Variants in WDR77 observed in about 807,000 individuals in gnomAD.
WDR77 encodes the protein WD repeat domain 77.
A neutral mutation model predicts 44.0 loss-of-function variants in WDR77; 31 were observed. The observed-to-expected ratio is 0.70, with a 90% CI of 0.53 to 0.95. The LOEUF is 0.95. Among genes scored for constraint, WDR77 ranks in the 40% least tolerant of loss-of-function variants. The probability of loss-of-function intolerance (pLI) is 0.00; values close to 1 mark genes in which losing one functional copy is unlikely to be tolerated. For synonymous variants in WDR77, 186 were observed against 165.7 expected, an observed-to-expected ratio of 1.12 and a Z score of -0.94; for missense variants, 390 against 423.9, an observed-to-expected ratio of 0.92 and a Z score of 0.70.
At chr1:111,448,934 G>A (rs779452677) in intron 1 of WDR77, 121 bp downstream of exon 1, 2 of 1,539,760 alleles carry the variant, frequency 1.3e-6, no homozygotes, top group South Asian at 1.2e-5. Context: ...GGGACAGCTC[G>A]GTGACGCGAC....
At position 111,442,934 on chromosome 1, in the gene WDR77, C is replaced by T. The variant is rs147312754; in HGVS notation, c.692-173G>A. On this transcript the variant is annotated intron_variant, in intron 7 of 9. Transcript: ENST00000235090. ...TCATTGTGAAAATTAAGTTAATGAA[C>T]GAAGCAGTTATTATTTTAACCACAA... is the stretch of plus-strand genomic sequence containing the variant. Among the ~76,000 whole-genome samples, 37 of 152,272 alleles carry T rather than the reference C, an allele frequency of 2.4e-4. No homozygotes were observed. In the East Asian group the frequency reaches 5.0e-3, roughly 21 times the overall value.
chr1:111,447,601 CAT>C, intron 2 of WDR77, 25 bp from the exon 3 acceptor site: 1 of 1,613,928 alleles, frequency 6.2e-7, no homozygotes, highest in African/African-American at 1.3e-5. Context: ...GTAAGGAAAA[CAT>C]GAGCTTGGAT....
In WDR77 at chr1:111,448,706, A is replaced by G. The variant is rs1380228427; in HGVS notation, c.214T>C (p.Phe72Leu). The G allele has an allele frequency of 1.9e-6, 3 of 1,614,238 alleles. No individual in the cohort carries two copies. The South Asian group carries it at 3.3e-5, about 18-fold the overall frequency. The change falls in exon 2 of 10, where the codon TTC (phenylalanine) becomes CTC (leucine). Residue 72 changes from phenylalanine to leucine, a missense_variant. Transcript: ENST00000235090. ...KDPCAAPNEG[F>L]CSAGVQTEAG... The stretch of plus-strand genomic sequence containing the variant: ...TCCGTTTGGACTCCGGCGGAGCAGA[A>G]GCCTTCGTTGGGGGCGGCACAGGGG...
In WDR77 at chr1:111,449,174, A is replaced by T; in HGVS notation, c.-5T>A. ...GGGTGGGGTTTCCTTCCGCATCTCC[A>T]CGGTTCCAACTCCAACCTAGACTCA... On this transcript the variant is annotated 5_prime_UTR_variant, in exon 1 of 10. Transcript: ENST00000235090. 6.4e-7 allele frequency: 1 copy of T among 1,571,316 alleles called. No homozygotes were observed. The highest frequency in any genetic ancestry group is 8.6e-7 in the Non-Finnish European group (1 of 1,165,136).
chr1:111,445,747 C>T (rs557636184), intron 4 of WDR77, among the ~76,000 whole-genome samples: 1 of 152,012 alleles, frequency 6.6e-6, no homozygotes, highest in South Asian at 2.1e-4. Flanking sequence ...AAATAAAAAG[C>T]AAATATAATA....
rs1037834373 is a variant in WDR77, at chr1:111,447,635, T to G, written c.302-59A>C. ...GGATTATACCAAGGCAGTAATTCACTTCTAGGATTCAAAGAGCCATTGTCA... is the reference window on the plus strand; with the variant it reads ...GGATTATACCAAGGCAGTAATTCACGTCTAGGATTCAAAGAGCCATTGTCA... On this transcript the variant is annotated intron_variant, in intron 2 of 9. Transcript: ENST00000235090. The G allele has an allele frequency of 6.3e-6, 10 of 1,591,500 alleles. No homozygotes were observed. The Admixed American group carries it at 8.4e-5, about 13-fold the overall frequency.
At chr1:111,446,307 C>A (rs1236987775) in intron 4 of WDR77, among the ~76,000 whole-genome samples, 2 of 152,096 alleles carry the variant, frequency 1.3e-5, no homozygotes, top group Middle Eastern at 6.3e-3. Flanking sequence ...AAGAATGGCT[C>A]CCAAGATAAA....
At chr1:111,446,966 G>A (rs186945796) in intron 4 of WDR77, 129 bp downstream of exon 4, 12 of 916,622 alleles carry the variant, frequency 1.3e-5, no homozygotes, top group African/African-American at 1.2e-4. Flanking sequence ...AGTAGATACC[G>A]GAGCCTGACT....
intron 7 of WDR77, 127 bp from the exon 8 acceptor site, chr1:111,442,888 T>C (rs1167995088): frequency 6.8e-6 from 4 of 584,928 alleles, no homozygotes; most frequent in East Asian, 3.0e-5. Flanking sequence ...TTTTGCAAAG[T>C]AGGAATAATA....
intron 9 of WDR77, chr1:111,441,695 T>G (rs1231915566): frequency 1.2e-5 from 10 of 828,428 alleles, no homozygotes; most frequent in Non-Finnish European, 8.3e-6. Context: ...AGGTGCTGCC[T>G]TTTACCCTGT....
In WDR77 at chr1:111,442,849, A is replaced by T. The variant is rs148130273; in HGVS notation, c.692-88T>A. On this transcript the variant is annotated intron_variant, in intron 7 of 9. Transcript: ENST00000235090. ...AATCCTAGTTCCTCGAGCTTGTAAA[A>T]GTTAACCATTCTGAGCATCAGTTTT... 1.3e-4 allele frequency: 112 copies of T among 886,124 alleles called. 1 individual carries two copies. In the East Asian group the frequency reaches 3.3e-3, roughly 26 times the overall value. 54.9% of individuals were successfully genotyped at this position (886,124 alleles called of 1,614,324 possible). A position where few individuals can be genotyped will look rare whatever the true frequency, so the allele number is the denominator to read the frequency against.
chr1:111,442,230 T>C (rs1248861557), intron 8 of WDR77, 137 bp from the exon 9 acceptor site: 2 of 747,440 alleles, frequency 2.7e-6, no homozygotes, highest in Non-Finnish European at 4.5e-6. Context: ...ATCTGGCTAC[T>C]ACAAGTCCAC....
Position 111,441,752 on chromosome 1 carries a change from G to A in WDR77, c.869+273C>T, listed in dbSNP as rs1557791787. On this transcript the variant is annotated intron_variant, in intron 9 of 9. Coordinates refer to ENST00000235090, the MANE Select transcript of WDR77 (RefSeq NM_024102.4). ...AGTTCTTTATGTGAGAGGGTAGACT[G>A]CCGCCCCCTTGTGGGAGAGCGCTGG... 4.2e-5 allele frequency: 27 copies of A among 636,638 alleles called. No individual in the cohort carries two copies. The South Asian group carries it at 6.6e-4, about 16-fold the overall frequency. The allele number at this position is 636,638 out of a possible 1,614,324, so 39.4% of individuals were successfully genotyped here.
At chr1:111,445,263 A>G (rs1379237754) in intron 4 of WDR77, among the ~76,000 whole-genome samples, 1 of 152,250 alleles carries the variant, frequency 6.6e-6, no homozygotes, top group Non-Finnish European at 1.5e-5. Context: ...AGACTTTCCC[A>G]GGTAGTCTGA....
chr1:111,445,095 C>A (rs1008834581), intron 4 of WDR77, among the ~76,000 whole-genome samples: 2 of 152,214 alleles, frequency 1.3e-5, no homozygotes, highest in Non-Finnish European at 2.9e-5. Flanking sequence ...ACCTTCTCTG[C>A]AACTACTTAA....
At chr1:111,442,169 C>A in intron 8 of WDR77, 76 bp from the exon 9 acceptor site, 1 of 1,446,458 alleles carries the variant, frequency 6.9e-7, no homozygotes. Flanking sequence ...CCGGCCCTGC[C>A]GCCACTGTAA....
intron 3 of WDR77, 87 bp downstream of exon 3, chr1:111,447,348 C>G: frequency 6.3e-7 from 1 of 1,575,284 alleles, no homozygotes; most frequent in East Asian, 2.3e-5. Flanking sequence ...TTAGAATAAG[C>G]CCAAAATGTT....
At chr1:111,441,584 A>G (rs1480708646) in intron 9 of WDR77, 195 bp from the exon 10 acceptor site, 1 of 1,293,196 alleles carries the variant, frequency 7.7e-7, no homozygotes, top group Non-Finnish European at 9.8e-7. Flanking sequence ...CCAGTCTTCT[A>G]TTTTCATAGA....
chr1:111,447,401 C>A, intron 3 of WDR77, 34 bp downstream of exon 3: 1 of 1,613,070 alleles, frequency 6.2e-7, no homozygotes, highest in Non-Finnish European at 8.5e-7. Flanking sequence ...CCACAGGAGG[C>A]TTAGAGACAG....
Sources: gnomAD v4.1 joint callset for allele counts (sites outside exome capture counted in the v4.1 genomes callset) on GRCh38, gnomAD v4.1.1 for gene constraint, MANE v1.5 for transcripts, NCBI Gene and HGNC (gene_info 2026-07-23, HGNC 2026-07-21) for gene names.